GAB2: variants seen among roughly 807,000 people sequenced by gnomAD.
The protein encoded by GAB2 is GRB2-associated-binding protein 2.
GAB2 carries 26 observed loss-of-function variants against 65.5 expected under a neutral mutation model. The ratio of observed to expected loss-of-function variants is 0.40; its 90% confidence interval spans 0.29 to 0.55. The LOEUF (loss-of-function observed/expected upper bound fraction) is 0.55, where lower values mean the gene tolerates loss of function less well. Ranked by LOEUF, GAB2 falls within the 20% of genes least tolerant of loss-of-function variation. GAB2 has a pLI of 0.53. For synonymous variants in GAB2, 321 were observed against 329.6 expected (o/e 0.97, Z 0.28); for missense variants, 884 against 875.8 (o/e 1.01, Z -0.12).
intron 1 of GAB2, among the ~76,000 whole-genome samples, chr11:78,385,444 T>G (rs545281046): frequency 6.6e-6 from 1 of 152,302 alleles, no homozygotes; most frequent in African/African-American, 2.4e-5. Flanking sequence ...AAGCACTTCA[T>G]GACACATCAA....
At chr11:78,365,792 T>G (rs981619548) in intron 1 of GAB2, among the ~76,000 whole-genome samples, 1 of 152,198 alleles carries the variant, frequency 6.6e-6, no homozygotes, top group East Asian at 1.9e-4. Context: ...CAAAAATAAC[T>G]TAAGAAACAC....
At chr11:78,262,983 T>C (rs1439412139) in intron 2 of GAB2, among the ~76,000 whole-genome samples, 1 of 152,238 alleles carries the variant, frequency 6.6e-6, no homozygotes, top group African/African-American at 2.4e-5. Flanking sequence ...ACAGCAAAGC[T>C]GAGTAGTTGC....
intron 1 of GAB2, among the ~76,000 whole-genome samples, chr11:78,330,228 CTTCCTATCA>C (rs1403836961): frequency 2.6e-5 from 4 of 152,178 alleles, no homozygotes; most frequent in Non-Finnish European, 1.5e-5. Flanking sequence ...AGCTCTAGTT[CTTCCTATCA>C]TTTGGTAAGC....
intron 1 of GAB2, among the ~76,000 whole-genome samples, chr11:78,311,196 A>G (rs1855493090): frequency 6.6e-6 from 1 of 152,182 alleles, no homozygotes. Context: ...AAATGAAAGT[A>G]AGTTTTTTCT....
chr11:78,259,390 TG>T (rs1262642247), intron 2 of GAB2, among the ~76,000 whole-genome samples: 3 of 152,200 alleles, frequency 2.0e-5, no homozygotes, highest in African/African-American at 7.2e-5. Context: ...GAAAGAATTT[TG>T]ACAACAGTAT....
rs1864168903 is a variant in GAB2, at chr11:78,216,751, A to G, written c.*2521T>C. 6.6e-6 allele frequency: 1 copy of G among 152,298 alleles called. No homozygotes were observed. The highest frequency in any genetic ancestry group is 1.5e-5 in the Non-Finnish European group (1 of 68,104). 9.4% of individuals were successfully genotyped at this position (152,298 alleles called of 1,614,324 possible). A position where few individuals can be genotyped will look rare whatever the true frequency, so the allele number is the denominator to read the frequency against. On this transcript the variant is annotated 3_prime_UTR_variant, in exon 10 of 10. Transcript: ENST00000361507. ...TCACATGTTTATGGGAGGCTGCAAT[A>G]GTCTGGGCCCACTTGTGGCTGCTGC...
rs1164263130 is a variant in GAB2, at chr11:78,226,612, G to A, written c.1060C>T (p.Arg354Cys). The change falls in exon 4 of 10, where the codon CGC becomes TGC. Residue 354 changes from arginine to cysteine, a missense_variant. By Grantham distance (180) the Arg-to-Cys change is radical (BLOSUM62 -3). Coordinates refer to ENST00000361507, the MANE Select transcript of GAB2 (RefSeq NM_080491.3). The stretch of plus-strand genomic sequence containing the variant: ...TCTGCCTGACTTGGCTTGGGGGGGC[G>A]GGGTGGGGGAGCTATGGCTGAGTCC... ...PGDSAIAPPP[R>C]PPKPSQAETP... 9 of 1,599,908 alleles carry A rather than the reference G, an allele frequency of 5.6e-6. No individual in the cohort carries two copies. The highest frequency in any genetic ancestry group is 2.2e-5 in the East Asian group (1 of 44,752).
At position 78,227,004 on chromosome 11, in the gene GAB2, C is replaced by T. The variant is rs1315518933; in HGVS notation, c.668G>A (p.Ser223Asn). The T allele has an allele frequency of 1.2e-6, 2 of 1,613,292 alleles. No homozygotes were observed. Among genetic ancestry groups the T allele is most frequent in the African/African-American group, 2.7e-5 (2 of 74,920 alleles). The change falls in exon 4 of 10, where the codon AGT (serine) becomes AAT (asparagine). Residue 223 changes from serine to asparagine, a missense_variant. Ser to Asn is a conservative substitution (Grantham distance 46). Transcript: ENST00000361507. Reference sequence around the variant, plus strand: ...GGCAAGTTTTTGTACAGCTGTGTCACTCCTCATGAGAAAAGAGGCTCTGGT... The same window carrying T: ...GGCAAGTTTTTGTACAGCTGTGTCATTCCTCATGAGAAAAGAGGCTCTGGT... ...QGTRASFLMR[S>N]DTAVQKLAQG...
chr11:78,260,597 G>A (rs1036507397), intron 2 of GAB2, among the ~76,000 whole-genome samples: 11 of 151,552 alleles, frequency 7.3e-5, no homozygotes, highest in African/African-American at 2.4e-4. Context: ...TCAGCCTCCC[G>A]AGTAGCTGGG....
chr11:78,409,118 T>C (rs750929856), intron 1 of GAB2, among the ~76,000 whole-genome samples: 1 of 152,184 alleles, frequency 6.6e-6, no homozygotes, highest in Non-Finnish European at 1.5e-5. Flanking sequence ...CAAGAATAAC[T>C]ATATCATCAG....
chr11:78,265,461 A>C (rs1865851897), intron 2 of GAB2, among the ~76,000 whole-genome samples: 1 of 152,124 alleles, frequency 6.6e-6, no homozygotes, highest in Non-Finnish European at 1.5e-5. Context: ...GAAGTTTCTC[A>C]TTCTATGAAA....
chr11:78,236,179 C>T (rs1218729359), intron 3 of GAB2, among the ~76,000 whole-genome samples: 1 of 152,132 alleles, frequency 6.6e-6, no homozygotes, highest in Non-Finnish European at 1.5e-5. Context: ...AATTTATTCC[C>T]AAGTATTCCA....
rs950278270 is a variant in GAB2, at chr11:78,323,526, A to G, written c.76-42625T>C. Among the ~76,000 whole-genome samples the G allele has an allele frequency of 1.2e-4, 19 of 152,094 alleles. No individual in the cohort carries two copies. The East Asian group carries it at 1.6e-3, about 12-fold the overall frequency. On this transcript the variant is annotated intron_variant, in intron 1 of 9. Transcript: ENST00000361507. ...CTCCGTCTCCCCAATTCAAAAAAAA[A>G]GGAAACGAAACCAAACACCACACTT...
chr11:78,312,574 C>T (rs1855523233), intron 1 of GAB2, among the ~76,000 whole-genome samples: 1 of 152,024 alleles, frequency 6.6e-6, no homozygotes, highest in African/African-American at 2.4e-5. Context: ...TACAGGTGCC[C>T]ACCACCATGC....
chr11:78,355,383 C>A (rs889236012), intron 1 of GAB2, among the ~76,000 whole-genome samples: 1 of 152,152 alleles, frequency 6.6e-6, no homozygotes, highest in Non-Finnish European at 1.5e-5. Flanking sequence ...ACAGGAGAGA[C>A]AGGAGTGAAA....
At chr11:78,383,574 G>A (rs1180178829) in intron 1 of GAB2, among the ~76,000 whole-genome samples, 1 of 85,730 alleles carries the variant, frequency 1.2e-5, no homozygotes, top group Non-Finnish European at 2.2e-5. Context: ...GCAAAACCCT[G>A]TCTCTCCAAA....
Position 78,320,041 on chromosome 11 carries a change from A to C in GAB2, c.76-39140T>G, listed in dbSNP as rs542916375. Among the ~76,000 whole-genome samples, 12 of 152,090 alleles carry C rather than the reference A, an allele frequency of 7.9e-5. 1 individual carries two copies. The South Asian group carries it at 2.1e-3, about 26-fold the overall frequency. ...CAGGTACACACCACCACACTGGCTA[A>C]CTTTTGCATTTTTGTGGAGATGGGG... is the stretch of plus-strand genomic sequence containing the variant. On this transcript the variant is annotated intron_variant, in intron 1 of 9. Coordinates refer to ENST00000361507, the MANE Select transcript of GAB2 (RefSeq NM_080491.3).
chr11:78,234,178 G>A (rs1238456798), intron 3 of GAB2, among the ~76,000 whole-genome samples: 1 of 152,074 alleles, frequency 6.6e-6, no homozygotes, highest in Admixed American at 6.6e-5. Flanking sequence ...CCTCCCCCAG[G>A]CTCAAGTGAT....
intron 1 of GAB2, among the ~76,000 whole-genome samples, chr11:78,336,360 A>C (rs1346646537): frequency 2.5e-4 from 35 of 138,974 alleles, no homozygotes; most frequent in Non-Finnish European, 4.8e-4. Flanking sequence ...AAAAAAAAAA[A>C]AACACAACAA....
Sources: allele counts gnomAD v4.1 joint callset (sites outside exome capture counted in the v4.1 genomes callset), GRCh38; gene constraint gnomAD v4.1.1; transcripts MANE v1.5; gene names NCBI Gene and HGNC (gene_info 2026-07-23, HGNC 2026-07-21).